The following HIVEP3 variants were observed in gnomAD, a reference collection of about 807,000 sequenced individuals.
The protein encoded by HIVEP3 is transcription factor HIVEP3.
HIVEP3 carries 49 observed loss-of-function variants against 152.8 expected under a neutral mutation model. That is an observed-to-expected ratio of 0.32 (90% CI 0.26 to 0.41). The LOEUF is 0.41. Ranked by LOEUF, HIVEP3 falls within the 10% of genes least tolerant of loss-of-function variation. The pLI is 1.00. For synonymous variants in HIVEP3, 1,269 were observed against 1,289.0 expected (o/e 0.98, Z 0.33); for missense variants, 2,790 against 3,103.3 (o/e 0.90, Z 2.40).
intron 1 of HIVEP3, among the ~76,000 whole-genome samples, chr1:41,910,979 A>G (rs930837052): frequency 1.7e-4 from 26 of 152,102 alleles, no homozygotes; most frequent in Non-Finnish European, 1.3e-4. Flanking sequence ...AAAGACACAA[A>G]ATGTTCAATG....
chr1:41,859,452 C>T (rs1308088703), intron 1 of HIVEP3, among the ~76,000 whole-genome samples: 1 of 152,008 alleles, frequency 6.6e-6, no homozygotes, highest in African/African-American at 2.4e-5. Context: ...TTCTACATAC[C>T]GCTTAGTACC....
chr1:41,581,802 A>G lies in HIVEP3; in HGVS notation c.2996T>C (p.Val999Ala), dbSNP rs769428874. 1 of 1,584,846 alleles carries G rather than the reference A, an allele frequency of 6.3e-7. No individual in the cohort carries two copies. The highest frequency in any genetic ancestry group is 1.4e-5 in the African/African-American group (1 of 73,904). The change falls in exon 4 of 9, where the codon GTT (valine) becomes GCT (alanine). Residue 999 changes from valine (V) to alanine (A), a missense_variant. Val to Ala is a moderately conservative substitution (Grantham distance 64). Transcript: ENST00000372583. This position sits in a 1 kb window ranked among gnomAD's most constrained non-coding sequence, Gnocchi z 4.5. ...CTCGGTCATGTGGGCAGAATGGGAA[A>G]CGTTGGGGCTCTGCTCTGAGGCTGA... is the stretch of plus-strand genomic sequence containing the variant. ...RRSASEQSPN[V>A]SHSAHMTETR...
At chr1:42,009,017 GC>G (rs1164759587) in intron 1 of HIVEP3, among the ~76,000 whole-genome samples, 1 of 152,156 alleles carries the variant, frequency 6.6e-6, no homozygotes, top group Non-Finnish European at 1.5e-5. Flanking sequence ...AGAGGAGCTA[GC>G]CTGAGCACAA....
intron 1 of HIVEP3, among the ~76,000 whole-genome samples, chr1:41,902,734 T>G (rs1216358763): frequency 2.6e-5 from 4 of 152,216 alleles, no homozygotes; most frequent in Non-Finnish European, 1.5e-5. Flanking sequence ...ATAGAGTTTT[T>G]TATGGATTAC....
intron 1 of HIVEP3, among the ~76,000 whole-genome samples, chr1:41,993,986 T>A (rs1431011795): frequency 2.5e-5 from 3 of 119,374 alleles, no homozygotes; most frequent in African/African-American, 9.8e-5. Flanking sequence ...AACATCACAC[T>A]CTGGGGACTG....
At chr1:41,769,447 G>A (rs903237025) in intron 1 of HIVEP3, among the ~76,000 whole-genome samples, 3 of 150,640 alleles carry the variant, frequency 2.0e-5, no homozygotes, top group African/African-American at 7.3e-5. Flanking sequence ...ATCCCATGAT[G>A]TTTTCCATCC....
chr1:41,603,814 T>A (rs530293486), intron 3 of HIVEP3, among the ~76,000 whole-genome samples: 133 of 152,348 alleles, frequency 8.7e-4, no homozygotes, highest in African/African-American at 3.1e-3. Context: ...TTTGGTGGAA[T>A]TTTTTGGCAT....
At chr1:41,713,853 G>A (rs1646550892) in intron 1 of HIVEP3, among the ~76,000 whole-genome samples, 1 of 152,250 alleles carries the variant, frequency 6.6e-6, no homozygotes, top group Admixed American at 6.5e-5. Flanking sequence ...GCAAGCCTGG[G>A]GGAGGGGCTG....
rs1240395840 is a variant in HIVEP3 at position 41,918,117 on chromosome 1, C to T, written c.-801+296G>A. Among the ~76,000 whole-genome samples, 1 of 147,048 alleles carries T rather than the reference C, an allele frequency of 6.8e-6. No individual in the cohort carries two copies. The highest frequency in any genetic ancestry group is 1.5e-5 in the Non-Finnish European group (1 of 66,406). On this transcript the variant is annotated intron_variant, in intron 1 of 8. Coordinates refer to ENST00000372583, the MANE Select transcript of HIVEP3 (RefSeq NM_024503.5). This position sits in a 1 kb window ranked among gnomAD's most constrained non-coding sequence, Gnocchi z 4.3. ...GCATAGGGTTACAGCCCCGCCGCCGCCGCCGCCGCCGCCGCCTGTGATTGA... is the reference window on the plus strand; with the variant it reads ...GCATAGGGTTACAGCCCCGCCGCCGTCGCCGCCGCCGCCGCCTGTGATTGA...
intron 1 of HIVEP3, among the ~76,000 whole-genome samples, chr1:41,941,242 A>G (rs1645044445): frequency 6.6e-6 from 1 of 152,176 alleles, no homozygotes; most frequent in East Asian, 1.9e-4. Context: ...CAGTCAAGGA[A>G]GAGGTGGTTT....
intron 5 of HIVEP3, among the ~76,000 whole-genome samples, chr1:41,537,350 C>T (rs12121981): frequency 0.26 from 40,191 of 152,084 alleles, 5,504 homozygotes; most frequent in African/African-American, 0.29. Context: ...CCAGGGGGCA[C>T]ACTTCTTGGG....
chr1:41,614,014 G>A (rs754141190), intron 3 of HIVEP3, among the ~76,000 whole-genome samples: 15 of 152,260 alleles, frequency 9.9e-5, no homozygotes, highest in Admixed American at 5.2e-4. Context: ...GCACCCTGAC[G>A]CCCAGGCCAC....
chr1:41,660,111 C>T (rs1645690409), intron 2 of HIVEP3, among the ~76,000 whole-genome samples: 1 of 152,164 alleles, frequency 6.6e-6, no homozygotes. Context: ...TTGGAGTGGG[C>T]TGTGGGTGTG....
chr1:41,545,770 T>TCACCACCAC (rs1160650948), intron 5 of HIVEP3, among the ~76,000 whole-genome samples: 2 of 46,226 alleles, frequency 4.3e-5, no homozygotes, highest in Admixed American at 3.4e-4. Context: ...ACCACTACCA[T>TCACCACCAC]CACCACCACC....
intron 1 of HIVEP3, among the ~76,000 whole-genome samples, chr1:41,733,994 A>G (rs1646879908): frequency 6.9e-6 from 1 of 145,060 alleles, no homozygotes; most frequent in Non-Finnish European, 1.5e-5. Flanking sequence ...TCCCTGGTCC[A>G]TTCCCCTTCC....
chr1:41,905,336 G>T (rs1333816459), intron 1 of HIVEP3, among the ~76,000 whole-genome samples: 2 of 152,184 alleles, frequency 1.3e-5, no homozygotes, highest in Non-Finnish European at 2.9e-5. Context: ...TCCATGCAGT[G>T]TTAAGGCAGT....
chr1:41,658,541 A>T lies in HIVEP3; in HGVS notation c.-720-29594T>A, dbSNP rs559605920. On this transcript the variant is annotated intron_variant, in intron 2 of 8. Transcript: ENST00000372583. Reference sequence around the variant, plus strand: ...CCAGCAGTTACCAAGTGCCTGCTACACCCCCGGGCCTTGAAAGTGCATGTT... The same window carrying T: ...CCAGCAGTTACCAAGTGCCTGCTACTCCCCCGGGCCTTGAAAGTGCATGTT... Among the ~76,000 whole-genome samples, 46 of 151,886 alleles carry T rather than the reference A, an allele frequency of 3.0e-4. No homozygotes were observed. In the South Asian group the frequency reaches 6.7e-3, roughly 22 times the overall value.
chr1:41,946,851 T>C (rs1645077778), intron 1 of HIVEP3, among the ~76,000 whole-genome samples: 1 of 152,080 alleles, frequency 6.6e-6, no homozygotes, highest in African/African-American at 2.4e-5. Flanking sequence ...CAAGGCCTAG[T>C]AAAACCATGC....
At position 41,807,753 on chromosome 1, in the gene HIVEP3, C is replaced by G. The variant is rs368963643; in HGVS notation, c.-800-106758G>C. Among the ~76,000 whole-genome samples the G allele has an allele frequency of 1.2e-3, 177 of 152,344 alleles. 6 individuals carry two copies. In the South Asian group the frequency reaches 0.035, roughly 30 times the overall value. ...GGAGGTCAAGAGAAGGGCCAATTAACCCCATCTGGGGAAGCATTTCATGAC... is the reference window on the plus strand; with the variant it reads ...GGAGGTCAAGAGAAGGGCCAATTAAGCCCATCTGGGGAAGCATTTCATGAC... On this transcript the variant is annotated intron_variant, in intron 1 of 8. Coordinates refer to ENST00000372583, the MANE Select transcript of HIVEP3 (RefSeq NM_024503.5).
Sources: allele counts gnomAD v4.1 joint callset (sites outside exome capture counted in the v4.1 genomes callset), GRCh38; gene constraint gnomAD v4.1.1; non-coding constraint Gnocchi (gnomAD v3.1); transcripts MANE v1.5; gene names NCBI Gene and HGNC (gene_info 2026-07-23, HGNC 2026-07-21).